Variants in CEP41 observed in about 807,000 individuals in gnomAD.
CEP41 encodes centrosomal protein of 41 kDa.
CEP41 carries 32 observed loss-of-function variants against 44.3 expected under a neutral mutation model. The observed-to-expected ratio is 0.72, with a 90% CI of 0.54 to 0.97. CEP41 has a LOEUF of 0.97. Among genes scored for constraint, CEP41 ranks in the 50% least tolerant of loss-of-function variants. The pLI is 0.00. For missense variants in CEP41, 432 were observed against 455.2 expected, an observed-to-expected ratio of 0.95 and a Z score of 0.46; for synonymous variants, 151 against 168.5, an observed-to-expected ratio of 0.90 and a Z score of 0.80.
At chr7:130,434,480 C>T (rs1797906966) in intron 1 of CEP41, among the ~76,000 whole-genome samples, 1 of 152,020 alleles carries the variant, frequency 6.6e-6, no homozygotes, top group South Asian at 2.1e-4. Context: ...ATATAAAGAG[C>T]TCTCAAAACT....
chr7:130,399,169 C>T (rs782043659), intron 10 of CEP41, 130 bp from the exon 11 acceptor site: 1 of 1,139,248 alleles, frequency 8.8e-7, no homozygotes, highest in Non-Finnish European at 1.3e-6. Context: ...TATGCAGTAT[C>T]TACTTTAGGC....
Position 130,416,948 on chromosome 7 carries a change from T to C in CEP41, c.116A>G (p.Tyr39Cys). The part of the protein sequence containing the change: ...RLDTGNSMTK[Y>C]TEKLEEIKKN... ...CTTAATCTCTTCGAGCTTCTCAGTA[T>C]ATTTAGTCATACTGTTACCTAAAAA... The change falls in exon 3 of 11, where the codon TAT becomes TGT. Residue 39 changes from tyrosine to cysteine, a missense_variant. By Grantham distance (194) the Tyr-to-Cys change is radical (BLOSUM62 -2). Coordinates refer to ENST00000223208, the MANE Select transcript of CEP41 (RefSeq NM_018718.3). 6.3e-7 allele frequency: 1 copy of C among 1,588,172 alleles called. No individual in the cohort carries two copies. Among genetic ancestry groups the C allele is most frequent in the Non-Finnish European group, 8.6e-7 (1 of 1,156,412 alleles).
chr7:130,440,656 T>C, intron 1 of CEP41: 1 of 589,954 alleles, frequency 1.7e-6, no homozygotes, highest in South Asian at 2.0e-5. Context: ...TGTAAGCCAT[T>C]TGAGGGCAAG....
intron 2 of CEP41, chr7:130,419,483 G>A: frequency 1.0e-6 from 1 of 984,210 alleles, no homozygotes; most frequent in Non-Finnish European, 1.2e-6. Flanking sequence ...CTTTTAAAAA[G>A]ATTGGAAATG....
Position 130,400,709 on chromosome 7 carries a change from C to A in CEP41, c.755G>T (p.Gly252Val), listed in dbSNP as rs1554416656. The A allele has an allele frequency of 6.2e-7, 1 of 1,602,084 alleles. No homozygotes were observed. The highest frequency in any genetic ancestry group is 8.5e-7 in the Non-Finnish European group (1 of 1,170,370). ...RGFENLFMLS[G>V]GLKVLAQKFP... is the part of the protein sequence containing the mutation. ...AAGCAGAGTATCACCTTGCTCACCT[C>A]CGGAAAGCATGAAGAGGTTTTCAAA... The change falls in exon 9 of 11, where the codon GGA becomes GTA. Residue 252 changes from glycine (G) to valine (V), a missense_variant and splice_region_variant. Gly to Val is a moderately radical substitution (Grantham distance 109). Coordinates refer to ENST00000223208, the MANE Select transcript of CEP41 (RefSeq NM_018718.3).
intron 2 of CEP41, chr7:130,419,408 T>TGTGTAATTGTATCCCACTGTG (rs1797431727): frequency 1.0e-6 from 1 of 985,288 alleles, no homozygotes; most frequent in African/African-American, 1.7e-5. Context: ...TGTAAACTGC[T>TGTGTAATTGTATCCCACTGTG]TACATCTTAA....
intron 5 of CEP41, among the ~76,000 whole-genome samples, chr7:130,410,029 CTTTT>C (rs782636525): frequency 2.1e-5 from 3 of 139,890 alleles, no homozygotes; most frequent in Non-Finnish European, 3.1e-5. Context: ...CCTCGGTCTT[CTTTT>C]TTTTTTTTTT....
chr7:130,409,516 CA>C (rs1210721273), intron 5 of CEP41, among the ~76,000 whole-genome samples: 1 of 152,168 alleles, frequency 6.6e-6, no homozygotes, highest in East Asian at 1.9e-4. Context: ...CTGTCGTTTT[CA>C]GATTCTCTTT....
At chr7:130,416,652 T>C (rs1180282835) in intron 3 of CEP41, among the ~76,000 whole-genome samples, 2 of 152,208 alleles carry the variant, frequency 1.3e-5, no homozygotes, top group Non-Finnish European at 2.9e-5. Context: ...GCAGAGCTCA[T>C]TCCACCAGAT....
chr7:130,416,551 C>T (rs1797342507), intron 3 of CEP41, among the ~76,000 whole-genome samples: 1 of 152,202 alleles, frequency 6.6e-6, no homozygotes, highest in Non-Finnish European at 1.5e-5. Flanking sequence ...TTATTACCCC[C>T]TATCTCAAAT....
At chr7:130,421,567 C>A (rs571023827) in intron 2 of CEP41, 2 of 987,060 alleles carry the variant, frequency 2.0e-6, no homozygotes, top group Admixed American at 1.2e-4. Flanking sequence ...TGCTTACAGT[C>A]AAGGCTATTA....
At chr7:130,435,593 C>T (rs1186009766) in intron 1 of CEP41, among the ~76,000 whole-genome samples, 5 of 152,102 alleles carry the variant, frequency 3.3e-5, no homozygotes, top group Middle Eastern at 3.2e-3. Context: ...CAGTGTTGAA[C>T]GTTGCCAAGA....
chr7:130,428,483 C>T (rs1797732653), intron 1 of CEP41, among the ~76,000 whole-genome samples: 1 of 140,504 alleles, frequency 7.1e-6, no homozygotes, highest in Admixed American at 7.2e-5. Flanking sequence ...GTCCAATTGT[C>T]TTTTCAATAT....
chr7:130,420,935 ACAACTTGACTTATATACAGTATATGT>A, intron 2 of CEP41: 1 of 982,408 alleles, frequency 1.0e-6, no homozygotes, highest in East Asian at 1.1e-4. Flanking sequence ...TAAACTATGT[ACAACTTGACTTATATACAGTATATGT>A]TATGTGCTAC....
chr7:130,416,215 TG>T (rs1554420846), intron 3 of CEP41, among the ~76,000 whole-genome samples: 1 of 152,232 alleles, frequency 6.6e-6, no homozygotes, highest in Non-Finnish European at 1.5e-5. Flanking sequence ...CCCCTAGCAC[TG>T]GGTTCTCTTA....
Position 130,399,029 on chromosome 7 carries a change from G to T in CEP41, c.984C>A (p.Asn328Lys). The change falls in exon 11 of 11, where the codon AAC becomes AAA. Residue 328 changes from asparagine to lysine, a missense_variant. Asn to Lys is a moderately conservative substitution (Grantham distance 94). Transcript: ENST00000223208. ...QGPADHPSRL[N>K]QANSSGRESK... ...ACTCTCTTCCGGAGGAGTTAGCTTG[G>T]TTCAGTCGGCCTGAAGGGAGCAAGA... 6.2e-7 allele frequency: 1 copy of T among 1,614,084 alleles called. No individual in the cohort carries two copies.
intron 2 of CEP41, among the ~76,000 whole-genome samples, chr7:130,424,981 T>A (rs532768108): frequency 2.2e-4 from 33 of 152,234 alleles, no homozygotes; most frequent in Non-Finnish European, 1.0e-4. Flanking sequence ...CTAGAATGTA[T>A]AAGGAGCTCT....
At chr7:130,416,819 T>C in intron 3 of CEP41, 100 bp downstream of exon 3, 1 of 938,932 alleles carries the variant, frequency 1.1e-6, no homozygotes, top group African/African-American at 1.6e-5. Flanking sequence ...TCCATAGCTC[T>C]CTGTGCCTGT....
Position 130,394,978 on chromosome 7 carries a change from A to T in CEP41, c.*3913T>A. On this transcript the variant is annotated 3_prime_UTR_variant, in exon 11 of 11. Transcript: ENST00000223208. ...GTGAGAATTTGCTTCTGTACAGAAC[A>T]AAGAGGATCAGCAACAGAGAGGGGA... 1 of 454,098 alleles carries T rather than the reference A, an allele frequency of 2.2e-6. No individual in the cohort carries two copies. The highest frequency in any genetic ancestry group is 4.4e-6 in the Non-Finnish European group (1 of 226,788). The allele number at this position is 454,098 out of a possible 1,614,324, so 28.1% of individuals were successfully genotyped here. A position where few individuals can be genotyped will look rare whatever the true frequency, so the allele number is the denominator to read the frequency against.
Sources: allele counts gnomAD v4.1 joint callset (sites outside exome capture counted in the v4.1 genomes callset), GRCh38; gene constraint gnomAD v4.1.1; transcripts MANE v1.5; gene names NCBI Gene and HGNC (gene_info 2026-07-23, HGNC 2026-07-21).